The following MARCHF1 variants were observed in gnomAD, a reference collection of about 807,000 sequenced individuals.
MARCHF1 encodes membrane associated ring-CH-type finger 1, also known as E3 ubiquitin-protein ligase MARCHF1.
In MARCHF1, 40 loss-of-function variants were observed where a neutral mutation model predicts 54.2. That is an observed-to-expected ratio of 0.74 (90% CI 0.57 to 0.96). The LOEUF (loss-of-function observed/expected upper bound fraction) is 0.96, where lower values mean the gene tolerates loss of function less well. Among genes scored for constraint, MARCHF1 ranks in the 40% least tolerant of loss-of-function variants. The pLI, the probability that MARCHF1 is intolerant of heterozygous loss-of-function variation, is 0.00. For synonymous variants in MARCHF1, 236 were observed against 236.3 expected, an observed-to-expected ratio of 1.00 and a Z score of 0.01; for missense variants, 586 against 656.5, an observed-to-expected ratio of 0.89 and a Z score of 1.17.
intron 4 of MARCHF1, among the ~76,000 whole-genome samples, chr4:163,709,680 A>G (rs1745050108): frequency 6.6e-6 from 1 of 152,212 alleles, no homozygotes; most frequent in Admixed American, 6.5e-5. Flanking sequence ...TTATTCAGTC[A>G]AGTGGGATTG....
At chr4:164,282,759 C>G (rs569076746) in intron 1 of MARCHF1, among the ~76,000 whole-genome samples, 9 of 151,400 alleles carry the variant, frequency 5.9e-5, no homozygotes, top group African/African-American at 2.2e-4. Flanking sequence ...AGGGTTCAAA[C>G]ATGATCAACA....
At chr4:164,166,151 C>A (rs1189147783) in intron 1 of MARCHF1, among the ~76,000 whole-genome samples, 3 of 151,930 alleles carry the variant, frequency 2.0e-5, no homozygotes, top group African/African-American at 7.2e-5. Context: ...TATCAAAAAT[C>A]AACCTGGGGA....
chr4:163,723,145 T>C (rs1054071978), intron 4 of MARCHF1, among the ~76,000 whole-genome samples: 3 of 152,206 alleles, frequency 2.0e-5, no homozygotes, highest in Non-Finnish European at 2.9e-5. Context: ...TTTGGCATGG[T>C]TTTGCACTGG....
intron 4 of MARCHF1, among the ~76,000 whole-genome samples, chr4:163,841,008 G>A (rs1308450684): frequency 6.6e-6 from 1 of 151,958 alleles, no homozygotes; most frequent in Non-Finnish European, 1.5e-5. Flanking sequence ...ATTTACCTTT[G>A]TATAGCAAAC....
intron 1 of MARCHF1, among the ~76,000 whole-genome samples, chr4:164,131,593 T>A (rs912603962): frequency 2.0e-5 from 3 of 152,112 alleles, no homozygotes; most frequent in African/African-American, 7.2e-5. Context: ...TTTGTATGAT[T>A]ATAGGCAAAC....
rs538605788 is a variant in MARCHF1, at chr4:164,297,520, A to G, written c.-323+86350T>C. ...GCTGATCAGTACTCCTCAAAGCTGT[A>G]AAGGTTGTGAAAAGCAAGGAAAGAG... On this transcript the variant is annotated intron_variant, in intron 1 of 9. Transcript: ENST00000514618. Among the ~76,000 whole-genome samples the G allele has an allele frequency of 9.8e-5, 15 of 152,316 alleles. No individual in the cohort carries two copies. The South Asian group carries it at 2.9e-3, about 29-fold the overall frequency.
chr4:163,781,100 T>A (rs1416666358), intron 4 of MARCHF1, among the ~76,000 whole-genome samples: 1 of 151,442 alleles, frequency 6.6e-6, no homozygotes, highest in Non-Finnish European at 1.5e-5. Context: ...TCCCAGCACT[T>A]TGGGAGGCCA....
intron 3 of MARCHF1, among the ~76,000 whole-genome samples, chr4:163,948,677 AG>A (rs1300000123): frequency 6.8e-6 from 1 of 146,130 alleles, no homozygotes. Flanking sequence ...ATGAAGCAAC[AG>A]GAGTAAAGAC....
chr4:164,243,706 G>T (rs952453903), intron 1 of MARCHF1, among the ~76,000 whole-genome samples: 3 of 152,260 alleles, frequency 2.0e-5, no homozygotes, highest in Non-Finnish European at 2.9e-5. Flanking sequence ...CTGTATTCAG[G>T]AAACCCATCT....
chr4:163,697,689 C>T (rs558490841), intron 5 of MARCHF1, among the ~76,000 whole-genome samples: 1 of 152,046 alleles, frequency 6.6e-6, no homozygotes, highest in African/African-American at 2.4e-5. Context: ...TGTCTAAGGA[C>T]AGGAGATGGC....
At chr4:163,654,944 GCTT>G (rs916351675) in intron 5 of MARCHF1, among the ~76,000 whole-genome samples, 1 of 151,402 alleles carries the variant, frequency 6.6e-6, no homozygotes, top group Admixed American at 6.6e-5. Flanking sequence ...TACTGGCCAT[GCTT>G]CTTCTTTTCT....
At chr4:164,349,388 T>C (rs1003128709) in intron 1 of MARCHF1, among the ~76,000 whole-genome samples, 2 of 152,140 alleles carry the variant, frequency 1.3e-5, no homozygotes, top group African/African-American at 4.8e-5. Flanking sequence ...TAAGACATAA[T>C]AATATGAAAC....
rs577405169 is a variant in MARCHF1, at chr4:164,241,779, G to T, written c.-322-130117C>A. Among the ~76,000 whole-genome samples the T allele has an allele frequency of 3.3e-5, 5 of 152,028 alleles. No homozygotes were observed. The South Asian group carries it at 6.2e-4, about 19-fold the overall frequency. ...AGGTCAGTGGGTGCGCGCACAGTGC[G>T]CGAGCCGAAGCAGGGCGAGGCATTG... On this transcript the variant is annotated intron_variant, in intron 1 of 9. Coordinates refer to ENST00000514618, the MANE Select transcript of MARCHF1 (RefSeq NM_001394959.1).
intron 4 of MARCHF1, among the ~76,000 whole-genome samples, chr4:163,746,746 G>A (rs1204467144): frequency 1.3e-5 from 2 of 152,020 alleles, no homozygotes; most frequent in East Asian, 1.9e-4. Context: ...TTTTGACTGA[G>A]GCTTTGTTTT....
chr4:163,613,388 G>T lies in MARCHF1; in HGVS notation c.168C>A (p.Ser56Arg), dbSNP rs775801557. ...TGGGAGCTGTCCCTGTTGTTGGGCT[G>T]CTTGCCTGGAGAAACAAGTTAGATA... ...ASRSSNISKA[S>R]SPTTGTAPRS... The change falls in exon 6 of 10, where the codon AGC becomes AGA. Residue 56 changes from serine (S) to arginine (R), a missense_variant. This residue lies in a region of MARCHF1 where 387 missense variants were observed against 394.6 expected (regional missense o/e 0.98). Coordinates refer to ENST00000514618, the MANE Select transcript of MARCHF1 (RefSeq NM_001394959.1). 6.2e-7 allele frequency: 1 copy of T among 1,613,326 alleles called. No individual in the cohort carries two copies. Among genetic ancestry groups the T allele is most frequent in the South Asian group, 1.1e-5 (1 of 91,058 alleles).
At chr4:163,735,718 C>G (rs1746015676) in intron 4 of MARCHF1, among the ~76,000 whole-genome samples, 2 of 152,198 alleles carry the variant, frequency 1.3e-5, no homozygotes, top group Non-Finnish European at 1.5e-5. Context: ...TTTAGGGGGC[C>G]ACATTCAAAC....
rs763106308 is a variant in MARCHF1 at position 163,524,727 on chromosome 4, C to T, written c.*4021G>A. The T allele has an allele frequency of 4.6e-5, 7 of 152,130 alleles. No homozygotes were observed. Among genetic ancestry groups the T allele is most frequent in the East Asian group, 3.9e-4 (2 of 5,194 alleles). The allele number at this position is 152,130 out of a possible 1,614,324, so 9.4% of individuals were successfully genotyped here. A position where few individuals can be genotyped will look rare whatever the true frequency, so the allele number is the denominator to read the frequency against. The stretch of plus-strand genomic sequence containing the variant: ...TTGTGGAAACCACAACTAAGGTTTG[C>T]GTCACTTGTTTAATATACAAAGTCT... On this transcript the variant is annotated 3_prime_UTR_variant, in exon 10 of 10. Transcript: ENST00000514618.
intron 1 of MARCHF1, among the ~76,000 whole-genome samples, chr4:164,141,426 A>G (rs531769239): frequency 6.6e-6 from 1 of 152,316 alleles, no homozygotes; most frequent in African/African-American, 2.4e-5. Context: ...ACTAAAACCT[A>G]TTTATAGACA....
chr4:164,153,481 C>T (rs1729997843), intron 1 of MARCHF1, among the ~76,000 whole-genome samples: 1 of 151,998 alleles, frequency 6.6e-6, no homozygotes, highest in Non-Finnish European at 1.5e-5. Context: ...GACTGTCACT[C>T]ACACAATAGC....
Sources: gnomAD v4.1 joint callset for allele counts (sites outside exome capture counted in the v4.1 genomes callset) on GRCh38, gnomAD v4.1.1 for gene constraint, gnomAD v4.1.1 regional missense constraint, MANE v1.5 for transcripts, NCBI Gene and HGNC (gene_info 2026-07-23, HGNC 2026-07-21) for gene names.